The following PIK3CB variants were observed in gnomAD, a reference collection of about 807,000 sequenced individuals.
PIK3CB encodes phosphatidylinositol 4,5-bisphosphate 3-kinase catalytic subunit beta isoform.
PIK3CB carries 39 observed loss-of-function variants against 136.8 expected under a neutral mutation model. The ratio of observed to expected loss-of-function variants is 0.29; its 90% confidence interval spans 0.22 to 0.37. The LOEUF is 0.37. Ranked by LOEUF, PIK3CB falls within the 10% of genes least tolerant of loss-of-function variation. The pLI is 1.00. For synonymous variants in PIK3CB, 428 were observed against 436.6 expected (o/e 0.98, Z 0.25); for missense variants, 868 against 1,275.4 (o/e 0.68, Z 4.87).
At chr3:138,664,958 G>T in intron 20 of PIK3CB, 78 bp downstream of exon 20, 1 of 929,300 alleles carries the variant, frequency 1.1e-6, no homozygotes, top group Non-Finnish European at 1.6e-6. Context: ...CTAACACACT[G>T]CTGACTTCTA....
intron 19 of PIK3CB, among the ~76,000 whole-genome samples, chr3:138,673,804 C>T (rs2043589111): frequency 1.3e-5 from 2 of 152,110 alleles, no homozygotes; most frequent in South Asian, 4.1e-4. Flanking sequence ...CAACAAATAG[C>T]CCACAATCAT....
At chr3:138,826,929 C>T (rs547289395) in intron 1 of PIK3CB, among the ~76,000 whole-genome samples, 104 of 152,092 alleles carry the variant, frequency 6.8e-4, no homozygotes, top group Non-Finnish European at 9.9e-4. Context: ...ATTAGCTGGG[C>T]GTGGTTGTGG....
intron 2 of PIK3CB, among the ~76,000 whole-genome samples, chr3:138,776,164 C>G (rs921385984): frequency 2.6e-5 from 4 of 152,006 alleles, no homozygotes; most frequent in African/African-American, 9.7e-5. Context: ...CACCATTGCA[C>G]TCCAGCCTGG....
chr3:138,826,070 G>T, intron 1 of PIK3CB: 1 of 1,128,506 alleles, frequency 8.9e-7, no homozygotes, highest in South Asian at 1.3e-5. Context: ...TGACCTGAAG[G>T]AAAAAGATTG....
intron 11 of PIK3CB, among the ~76,000 whole-genome samples, chr3:138,705,442 G>A (rs1317541072): frequency 1.3e-5 from 2 of 151,882 alleles, no homozygotes; most frequent in Non-Finnish European, 2.9e-5. Flanking sequence ...TTTCTACTCA[G>A]TGTATACTAA....
intron 12 of PIK3CB, among the ~76,000 whole-genome samples, chr3:138,703,244 A>T (rs537738575): frequency 1.3e-5 from 2 of 152,368 alleles, no homozygotes; most frequent in South Asian, 4.1e-4. Flanking sequence ...CAGATGACTC[A>T]CACTGAGAAA....
At chr3:138,718,513 C>T (rs761244737) in intron 8 of PIK3CB, among the ~76,000 whole-genome samples, 12 of 152,188 alleles carry the variant, frequency 7.9e-5, no homozygotes, top group Middle Eastern at 6.8e-3. Context: ...GAAGCTCTTA[C>T]GTTTAGTTAA....
chr3:138,804,526 C>T (rs933155123), intron 1 of PIK3CB, among the ~76,000 whole-genome samples: 1 of 152,042 alleles, frequency 6.6e-6, no homozygotes, highest in Non-Finnish European at 1.5e-5. Context: ...AACAAAAGAG[C>T]AAAAAGCTTG....
At chr3:138,815,791 C>T (rs1221810425) in intron 1 of PIK3CB, among the ~76,000 whole-genome samples, 4 of 152,134 alleles carry the variant, frequency 2.6e-5, no homozygotes, top group Non-Finnish European at 5.9e-5. Context: ...GACTTGAGCA[C>T]CCATGGATTT....
chr3:138,655,169 C>T lies in PIK3CB; in HGVS notation c.*220G>A. Reference sequence around the variant, plus strand: ...TCAGCAGGAAATGATTATCCATTGACAGTTTTCATGATAAGTCTTGGAAGC... The same window carrying T: ...TCAGCAGGAAATGATTATCCATTGATAGTTTTCATGATAAGTCTTGGAAGC... On this transcript the variant is annotated 3_prime_UTR_variant, in exon 24 of 24. Transcript: ENST00000674063. 4.0e-6 allele frequency: 2 copies of T among 501,068 alleles called. No individual in the cohort carries two copies. Among genetic ancestry groups the T allele is most frequent in the Non-Finnish European group, 7.0e-6 (2 of 283,890 alleles). The allele number at this position is 501,068 out of a possible 1,614,324, so 31.0% of individuals were successfully genotyped here.
At chr3:138,747,052 C>CTT (rs1451816493) in intron 4 of PIK3CB, among the ~76,000 whole-genome samples, 1 of 75,168 alleles carries the variant, frequency 1.3e-5, no homozygotes, top group Non-Finnish European at 2.4e-5. Flanking sequence ...GCTATTCAGC[C>CTT]TTTATATATA....
chr3:138,825,885 T>A, intron 1 of PIK3CB: 1 of 1,529,102 alleles, frequency 6.5e-7, no homozygotes, highest in Non-Finnish European at 8.9e-7. Flanking sequence ...GTCAAGAATG[T>A]GTCTGTCAAA....
chr3:138,810,018 A>G (rs1252521102), intron 1 of PIK3CB, among the ~76,000 whole-genome samples: 1 of 152,216 alleles, frequency 6.6e-6, no homozygotes. Context: ...AAACACACAC[A>G]TACACACACA....
In PIK3CB at chr3:138,783,867, T is replaced by C. The variant is rs2045946362; in HGVS notation, c.-17+12596A>G. Among the ~76,000 whole-genome samples the C allele has an allele frequency of 2.0e-5, 3 of 152,034 alleles. No individual in the cohort carries two copies. The South Asian group carries it at 6.2e-4, about 32-fold the overall frequency. Reference sequence around the variant, plus strand: ...TGTGAAAAAGAACATATAAAGAACATGAATCCAACAAAAAAAATTGGGATA... The same window carrying C: ...TGTGAAAAAGAACATATAAAGAACACGAATCCAACAAAAAAAATTGGGATA... On this transcript the variant is annotated intron_variant, in intron 2 of 23. Transcript: ENST00000674063.
At chr3:138,668,070 G>C (rs2043453138) in intron 19 of PIK3CB, among the ~76,000 whole-genome samples, 2 of 151,712 alleles carry the variant, frequency 1.3e-5, no homozygotes, top group Admixed American at 6.6e-5. Context: ...CTCCATCTCA[G>C]AAAAAAATAA....
At chr3:138,747,087 T>TATATATATATATATATATATAC (rs2045374515) in intron 4 of PIK3CB, among the ~76,000 whole-genome samples, 1 of 82,226 alleles carries the variant, frequency 1.2e-5, no homozygotes, top group Non-Finnish European at 2.4e-5. Flanking sequence ...TATATATATA[T>TATATATATATATATATATATAC]ATATATATAT....
chr3:138,768,759 G>A (rs563624025), intron 2 of PIK3CB, among the ~76,000 whole-genome samples: 9 of 152,278 alleles, frequency 5.9e-5, no homozygotes, highest in East Asian at 3.9e-4. Flanking sequence ...GGGGGCTGGC[G>A]TGTCAGCACT....
intron 1 of PIK3CB, among the ~76,000 whole-genome samples, chr3:138,798,601 G>C (rs910403511): frequency 4.6e-5 from 7 of 152,138 alleles, no homozygotes; most frequent in African/African-American, 1.7e-4. Flanking sequence ...GAGGGATATA[G>C]GTGGGAAAGA....
intron 1 of PIK3CB, among the ~76,000 whole-genome samples, chr3:138,809,611 A>AC (rs755949570): frequency 1.1e-4 from 15 of 135,618 alleles, no homozygotes; most frequent in Non-Finnish European, 1.8e-4. Flanking sequence ...TGCCTCAAAA[A>AC]AAAAAAAAAA....
Sources: gnomAD v4.1 joint callset for allele counts (sites outside exome capture counted in the v4.1 genomes callset) on GRCh38, gnomAD v4.1.1 for gene constraint, MANE v1.5 for transcripts, NCBI Gene and HGNC (gene_info 2026-07-23, HGNC 2026-07-21) for gene names.